CDADC1: variants seen among roughly 807,000 people sequenced by gnomAD.
The protein encoded by CDADC1 is dCTP deaminase.
CDADC1 carries 39 observed loss-of-function variants against 54.9 expected under a neutral mutation model. The observed-to-expected ratio is 0.71, with a 90% CI of 0.55 to 0.93. The LOEUF (loss-of-function observed/expected upper bound fraction) is 0.93. Ranked by LOEUF, CDADC1 falls within the 40% of genes least tolerant of loss-of-function variation. The probability of loss-of-function intolerance (pLI) is 0.00; values close to 1 mark genes in which losing one functional copy is unlikely to be tolerated. For missense variants in CDADC1, 518 were observed against 618.8 expected, an observed-to-expected ratio of 0.84 and a Z score of 1.73; for synonymous variants, 186 against 204.0, an observed-to-expected ratio of 0.91 and a Z score of 0.75.
intron 4 of CDADC1, among the ~76,000 whole-genome samples, chr13:49,264,071 A>G (rs1952752617): frequency 6.6e-6 from 1 of 152,254 alleles, no homozygotes; most frequent in African/African-American, 2.4e-5. Flanking sequence ...ACTGTTAGGC[A>G]CAGGGCTAGA....
intron 2 of CDADC1, among the ~76,000 whole-genome samples, chr13:49,253,342 A>G (rs1334818763): frequency 6.6e-6 from 1 of 152,160 alleles, no homozygotes; most frequent in African/African-American, 2.4e-5. Flanking sequence ...TACTTTCTTT[A>G]CTTACATGAG....
intron 4 of CDADC1, chr13:49,266,006 T>C (rs1055965152): frequency 3.2e-6 from 4 of 1,253,696 alleles, no homozygotes; most frequent in African/African-American, 1.5e-5. Context: ...GATATGAGGT[T>C]TGAGGCCTTC....
rs1953212142 is a variant in CDADC1, at chr13:49,278,519, G to A, written c.1220G>A (p.Arg407Lys). 1.3e-6 allele frequency: 2 copies of A among 1,499,644 alleles called. No individual in the cohort carries two copies. Among genetic ancestry groups the A allele is most frequent in the East Asian group, 2.4e-5 (1 of 41,866 alleles). 92.9% of individuals were successfully genotyped at this position (1,499,644 alleles called of 1,614,324 possible). A position where few individuals can be genotyped will look rare whatever the true frequency, so the allele number is the denominator to read the frequency against. The change falls in exon 7 of 10, where the codon AGG becomes AAG. Residue 407 changes from arginine to lysine, a missense_variant and splice_region_variant. Arg to Lys is a conservative substitution (Grantham distance 26). Coordinates refer to ENST00000251108, the MANE Select transcript of CDADC1 (RefSeq NM_030911.4). Reference protein sequence around the residue: ...IHAEQNALTFRCQEIKPEERS... With the variant: ...IHAEQNALTFKCQEIKPEERS... ...GCGGAACAGAATGCCTTGACATTTA[G>A]GTATGAAATCCTTCTTGGTGTACTT...
intron 4 of CDADC1, among the ~76,000 whole-genome samples, chr13:49,260,441 G>A (rs1381849716): frequency 2.0e-5 from 3 of 152,204 alleles, no homozygotes; most frequent in Non-Finnish European, 4.4e-5. Flanking sequence ...GAGAAAGAAT[G>A]AGTAGAGAGG....
intron 6 of CDADC1, among the ~76,000 whole-genome samples, chr13:49,277,755 G>T (rs968038834): frequency 6.6e-6 from 1 of 152,040 alleles, no homozygotes; most frequent in Non-Finnish European, 1.5e-5. Flanking sequence ...GAAGTAAGAA[G>T]TTCTATAATA....
chr13:49,264,975 G>A (rs1952783328), intron 4 of CDADC1, among the ~76,000 whole-genome samples: 1 of 152,138 alleles, frequency 6.6e-6, no homozygotes, highest in Non-Finnish European at 1.5e-5. Context: ...GGCAGAACTG[G>A]TATTTGAACC....
At position 49,292,781 on chromosome 13, in the gene CDADC1, A is replaced by G. The variant is rs1249542732; in HGVS notation, c.*1024A>G. 2 of 1,283,696 alleles carry G rather than the reference A, an allele frequency of 1.6e-6. No individual in the cohort carries two copies. Among genetic ancestry groups the G allele is most frequent in the Non-Finnish European group, 2.0e-6 (2 of 986,454 alleles). 79.5% of individuals were successfully genotyped at this position (1,283,696 alleles called of 1,614,324 possible). On this transcript the variant is annotated 3_prime_UTR_variant, in exon 10 of 10. Transcript: ENST00000251108. ...TACATTTTCTGTTCTCTCCTAGGTT[A>G]GAGAGGGGTGGCCTGGGGTGCTTCA...
At chr13:49,252,952 T>C (rs1952467111) in intron 2 of CDADC1, among the ~76,000 whole-genome samples, 1 of 152,240 alleles carries the variant, frequency 6.6e-6, no homozygotes, top group African/African-American at 2.4e-5. Context: ...TAATATTTCT[T>C]TACCATTTAC....
intron 5 of CDADC1, among the ~76,000 whole-genome samples, chr13:49,271,091 A>G (rs1007165089): frequency 6.6e-6 from 1 of 152,208 alleles, no homozygotes. Context: ...TGAATGATGA[A>G]TAAAGAGGAT....
chr13:49,266,641 G>A (rs1431951608), intron 4 of CDADC1, among the ~76,000 whole-genome samples: 1 of 152,122 alleles, frequency 6.6e-6, no homozygotes, highest in Admixed American at 6.6e-5. Flanking sequence ...TTATGAGGAG[G>A]ACCATAATTA....
chr13:49,262,104 T>C (rs1236795623), intron 4 of CDADC1, among the ~76,000 whole-genome samples: 1 of 152,206 alleles, frequency 6.6e-6, no homozygotes, highest in Non-Finnish European at 1.5e-5. Flanking sequence ...AAGTGTGGTC[T>C]GTGGACTCCT....
intron 2 of CDADC1, among the ~76,000 whole-genome samples, chr13:49,251,083 G>C (rs553223552): frequency 7.2e-4 from 109 of 152,018 alleles, no homozygotes; most frequent in African/African-American, 2.5e-3. Flanking sequence ...AATTTATTTT[G>C]AAGAGCCAGA....
At chr13:49,260,034 T>G (rs1952639193) in intron 4 of CDADC1, among the ~76,000 whole-genome samples, 1 of 151,992 alleles carries the variant, frequency 6.6e-6, no homozygotes, top group Admixed American at 6.6e-5. Flanking sequence ...TTCAAGGCTG[T>G]AGTGAGCTAT....
At chr13:49,254,050 A>T (rs775847822) in intron 2 of CDADC1, among the ~76,000 whole-genome samples, 1 of 152,216 alleles carries the variant, frequency 6.6e-6, no homozygotes, top group Non-Finnish European at 1.5e-5. Flanking sequence ...AATGGGAATA[A>T]TAGGAGCTAC....
intron 8 of CDADC1, among the ~76,000 whole-genome samples, chr13:49,284,575 A>C (rs1459620045): frequency 2.0e-5 from 3 of 152,180 alleles, no homozygotes; most frequent in South Asian, 2.1e-4. Context: ...GACGTCTTTC[A>C]AAAAATGCCT....
In CDADC1 at chr13:49,292,919, C is replaced by CGT; in HGVS notation, c.*1162_*1163insGT. On this transcript the variant is annotated 3_prime_UTR_variant, in exon 10 of 10. Coordinates refer to ENST00000251108, the MANE Select transcript of CDADC1 (RefSeq NM_030911.4). ...GCTTCCTACCAGTTTCTCAGAATTACACGCACGACCATCCAAACATTGGCT... is the reference window on the plus strand; with the variant it reads ...GCTTCCTACCAGTTTCTCAGAATTACGTACGCACGACCATCCAAACATTGGCT... The CGT allele has an allele frequency of 1.9e-6, 1 of 518,648 alleles. No individual in the cohort carries two copies. Among genetic ancestry groups the CGT allele is most frequent in the African/African-American group, 2.0e-5 (1 of 49,954 alleles). 32.1% of individuals were successfully genotyped at this position (518,648 alleles called of 1,614,324 possible).
chr13:49,291,576 GTTC>G, intron 9 of CDADC1, 105 bp from the exon 10 acceptor site: 1 of 925,968 alleles, frequency 1.1e-6, no homozygotes. Flanking sequence ...TAAAGTGAAA[GTTC>G]CTTTAACTTA....
At position 49,255,954 on chromosome 13, in the gene CDADC1, A is replaced by G. The variant is rs1339683385; in HGVS notation, c.252+41A>G. Reference sequence around the variant, plus strand: ...TTCACATATATATGCTCATAATAACAAAGCAAAAGGAATAGTATAAAGTAG... The same window carrying G: ...TTCACATATATATGCTCATAATAACGAAGCAAAAGGAATAGTATAAAGTAG... On this transcript the variant is annotated intron_variant, in intron 3 of 9. Transcript: ENST00000251108. 4 of 1,591,976 alleles carry G rather than the reference A, an allele frequency of 2.5e-6. No individual in the cohort carries two copies. The South Asian group carries it at 4.6e-5, about 18-fold the overall frequency.
chr13:49,292,760 T>G lies in CDADC1; in HGVS notation c.*1003T>G, dbSNP rs1156530502. The G allele has an allele frequency of 5.5e-6, 7 of 1,276,618 alleles. No individual in the cohort carries two copies. The highest frequency in any genetic ancestry group is 7.1e-6 in the Non-Finnish European group (7 of 984,026). The allele number at this position is 1,276,618 out of a possible 1,614,324, so 79.1% of individuals were successfully genotyped here. On this transcript the variant is annotated 3_prime_UTR_variant, in exon 10 of 10. Coordinates refer to ENST00000251108, the MANE Select transcript of CDADC1 (RefSeq NM_030911.4). ...AAATTATTCCAAAAATGAAGGTACA[T>G]TTTCTGTTCTCTCCTAGGTTAGAGA...
Sources: allele counts gnomAD v4.1 joint callset (sites outside exome capture counted in the v4.1 genomes callset), GRCh38; gene constraint gnomAD v4.1.1; transcripts MANE v1.5; gene names NCBI Gene and HGNC (gene_info 2026-07-23, HGNC 2026-07-21).